ARHGAP8: variants seen among roughly 807,000 people sequenced by gnomAD.
The protein encoded by ARHGAP8 is Rho GTPase activating protein 8.
Under a neutral mutation model 46.1 loss-of-function variants are expected in ARHGAP8, and 62 were observed. The ratio of observed to expected loss-of-function variants is 1.34; its 90% CI spans 1.10 to 1.66. The LOEUF (loss-of-function observed/expected upper bound fraction) is 1.66. ARHGAP8 is among the 40% of genes most tolerant of loss of function. The pLI is 0.00. For synonymous variants in ARHGAP8, 375 were observed against 243.1 expected (o/e 1.54, Z -5.05); for missense variants, 923 against 568.4 (o/e 1.62, Z -6.34).
chr22:44,759,711 G>A (rs1475641717), intron 1 of ARHGAP8, among the ~76,000 whole-genome samples: 1 of 152,210 alleles, frequency 6.6e-6, no homozygotes, highest in Non-Finnish European at 1.5e-5. Flanking sequence ...GGCCTGAAGG[G>A]AGATGGTCAG....
rs748155892 is a variant in ARHGAP8 at position 44,822,468 on chromosome 22, C to A, written c.484C>A (p.Arg162=). 8 of 1,549,918 alleles carry A rather than the reference C, an allele frequency of 5.2e-6. No individual in the cohort carries two copies. The East Asian group carries it at 2.0e-4, about 39-fold the overall frequency. The stretch of plus-strand genomic sequence containing the variant: ...GCTGGTCATCCCTCCCGAAGTTTTG[C>A]GGTAAGTGCCTGTTAGACCCCAGAA... ...DQLVIPPEVL[R]YDEKLQSLHE... is the part of the protein sequence containing the mutation. Residue 162 remains arginine, a splice_region_variant and synonymous_variant, in exon 6 of 12, where the codon CGG becomes AGG. Coordinates refer to ENST00000356099, the MANE Select transcript of ARHGAP8 (RefSeq NM_181335.3).
At chr22:44,793,472 G>T (rs549679016) in intron 2 of ARHGAP8, among the ~76,000 whole-genome samples, 1 of 152,246 alleles carries the variant, frequency 6.6e-6, no homozygotes, top group Non-Finnish European at 1.5e-5. Context: ...CCTGCAGCAC[G>T]CAGGCCTAAA....
intron 1 of ARHGAP8, among the ~76,000 whole-genome samples, chr22:44,767,442 C>T (rs1370046346): frequency 6.6e-6 from 1 of 152,116 alleles, no homozygotes; most frequent in Non-Finnish European, 1.5e-5. Flanking sequence ...AGATATTCTC[C>T]CGTATAGCCT....
chr22:44,847,509 A>G (rs6007317), intron 8 of ARHGAP8, among the ~76,000 whole-genome samples: 1,835 of 152,270 alleles, frequency 0.012, 35 homozygotes, highest in African/African-American at 0.04. Context: ...TTAAATCCCC[A>G]TGTGCAGCTA....
chr22:44,802,309 G>A, intron 3 of ARHGAP8, 145 bp downstream of exon 3: 1 of 1,036,148 alleles, frequency 9.7e-7, no homozygotes, highest in South Asian at 1.7e-5. Context: ...TTGCACTCAT[G>A]AGCCTACCCG....
chr22:44,783,380 C>T lies in ARHGAP8; in HGVS notation c.-71-3077C>T, dbSNP rs1926986932. On this transcript the variant is annotated intron_variant, in intron 1 of 11. Transcript: ENST00000356099. ...CCATTTCACTGCCACTCAGGGCCAG[C>T]ACCAGCCAGGACCCACACCCGGAGC... 3.3e-5 allele frequency among the ~76,000 whole-genome samples: 5 copies of T among 152,202 alleles called. No individual in the cohort carries two copies. The South Asian group carries it at 1.0e-3, about 32-fold the overall frequency.
intron 11 of ARHGAP8, among the ~76,000 whole-genome samples, chr22:44,861,405 G>GGA (rs2070476246): frequency 6.6e-6 from 1 of 152,224 alleles, no homozygotes; most frequent in South Asian, 2.1e-4. Flanking sequence ...CTCGGCTTGA[G>GGA]GAGGGGTGGC....
intron 7 of ARHGAP8, among the ~76,000 whole-genome samples, chr22:44,843,504 A>C (rs891386791): frequency 1.3e-5 from 2 of 152,258 alleles, no homozygotes; most frequent in African/African-American, 4.8e-5. Context: ...ATGAGGCTTA[A>C]AACATGTTAG....
At chr22:44,860,852 C>A (rs569551747) in intron 11 of ARHGAP8, among the ~76,000 whole-genome samples, 1 of 152,298 alleles carries the variant, frequency 6.6e-6, no homozygotes, top group South Asian at 2.1e-4. Flanking sequence ...CAGGCCTTCG[C>A]CCCAGGCTGT....
intron 10 of ARHGAP8, among the ~76,000 whole-genome samples, chr22:44,855,013 A>C (rs2147181701): frequency 6.6e-6 from 1 of 152,308 alleles, no homozygotes; most frequent in African/African-American, 2.4e-5. Flanking sequence ...AGTCACAAGA[A>C]CTTGAAAAGA....
At chr22:44,782,408 C>T (rs1246210067) in intron 1 of ARHGAP8, among the ~76,000 whole-genome samples, 1 of 152,204 alleles carries the variant, frequency 6.6e-6, no homozygotes, top group Non-Finnish European at 1.5e-5. Flanking sequence ...GTCGAGTCCA[C>T]TCACAGTGCT....
chr22:44,851,050 A>G (rs1276910091), intron 10 of ARHGAP8: 1 of 152,030 alleles, frequency 6.6e-6, no homozygotes, highest in African/African-American at 2.4e-5. Context: ...AGCTATGTCA[A>G]GGACCTGAGA....
intron 1 of ARHGAP8, among the ~76,000 whole-genome samples, chr22:44,781,096 G>A (rs1220706945): frequency 2.6e-5 from 4 of 152,164 alleles, no homozygotes. Flanking sequence ...CTGCCGGGCA[G>A]ATTTCTCTTC....
At chr22:44,843,970 C>A (rs1259928483) in intron 7 of ARHGAP8, among the ~76,000 whole-genome samples, 1 of 151,582 alleles carries the variant, frequency 6.6e-6, no homozygotes, top group Non-Finnish European at 1.5e-5. Flanking sequence ...AGCATATATA[C>A]ATAGAGAGAA....
At chr22:44,818,981 G>T (rs376695124) in intron 5 of ARHGAP8, among the ~76,000 whole-genome samples, 1 of 152,156 alleles carries the variant, frequency 6.6e-6, no homozygotes, top group African/African-American at 2.4e-5. Context: ...TTATAGGAGC[G>T]CACCATGTTG....
At chr22:44,817,348 T>C (rs890980975) in intron 5 of ARHGAP8, among the ~76,000 whole-genome samples, 7 of 152,356 alleles carry the variant, frequency 4.6e-5, no homozygotes, top group Non-Finnish European at 1.0e-4. Flanking sequence ...CACTAGAATT[T>C]CCTGCCAGTT....
chr22:44,842,378 A>G (rs1931710539), intron 7 of ARHGAP8, among the ~76,000 whole-genome samples: 1 of 152,042 alleles, frequency 6.6e-6, no homozygotes, highest in Admixed American at 6.5e-5. Flanking sequence ...ACAAACAAAC[A>G]AAAACAGCAC....
At chr22:44,839,648 C>A (rs1010519290) in intron 7 of ARHGAP8, among the ~76,000 whole-genome samples, 2 of 152,180 alleles carry the variant, frequency 1.3e-5, no homozygotes, top group Non-Finnish European at 2.9e-5. Context: ...GTGTCGTCCT[C>A]TGATCTCTAA....
intron 10 of ARHGAP8, 44 bp downstream of exon 10, chr22:44,849,104 G>A: frequency 6.2e-7 from 1 of 1,609,980 alleles, no homozygotes; most frequent in Non-Finnish European, 8.5e-7. Context: ...TTGGTCCTCA[G>A]ATGCTGTCCC....
Sources: allele counts gnomAD v4.1 joint callset (sites outside exome capture counted in the v4.1 genomes callset), GRCh38; gene constraint gnomAD v4.1.1; transcripts MANE v1.5; gene names NCBI Gene and HGNC (gene_info 2026-07-23, HGNC 2026-07-21).